UNC13C: variants seen among roughly 807,000 people sequenced by gnomAD.
UNC13C encodes protein unc-13 homolog C.
A neutral mutation model predicts 245.4 loss-of-function variants in UNC13C; 174 were observed. The observed-to-expected ratio is 0.71, with a 90% CI of 0.63 to 0.80. The LOEUF is 0.80. UNC13C is among the 30% of genes least tolerant of loss of function. UNC13C has a pLI of 0.00. For synonymous variants in UNC13C, 992 were observed against 895.1 expected (o/e 1.11, Z -1.93); for missense variants, 2,829 against 2,602.9 (o/e 1.09, Z -1.89).
chr15:54,052,838 A>C (rs1897330171), intron 2 of UNC13C, among the ~76,000 whole-genome samples: 1 of 152,212 alleles, frequency 6.6e-6, no homozygotes, highest in Non-Finnish European at 1.5e-5. Context: ...TTGATTTTAT[A>C]AGTATCCAGT....
intron 2 of UNC13C, among the ~76,000 whole-genome samples, chr15:54,087,861 A>G (rs138599287): frequency 2.2e-4 from 33 of 152,332 alleles, no homozygotes; most frequent in African/African-American, 7.2e-4. Flanking sequence ...GAAATTATCA[A>G]TAATTTCCAC....
intron 19 of UNC13C, among the ~76,000 whole-genome samples, chr15:54,447,629 C>T (rs1191526694): frequency 1.3e-5 from 2 of 152,118 alleles, no homozygotes; most frequent in Admixed American, 1.3e-4. Flanking sequence ...TCCCCTTTAT[C>T]ATTTTTTATT....
rs750345422 is a variant in UNC13C at position 54,626,835 on chromosome 15, G to A, written c.6367G>A (p.Gly2123Arg). 57 of 1,610,742 alleles carry A rather than the reference G, an allele frequency of 3.5e-5. No individual in the cohort carries two copies. The Admixed American group carries it at 4.0e-4, about 11-fold the overall frequency. The part of the protein sequence containing the change: ...KYNETFQFIL[G>R]KENRPGAYEL... ...TATTTTTAATCCACACAGCATTCTC[G>A]GAAAGGAAAATCGACCAGGGGCTTA... The change falls in exon 33 of 33, where the codon GGA becomes AGA. Residue 2123 changes from glycine (G) to arginine (R), a missense_variant. Coordinates refer to ENST00000260323, the MANE Select transcript of UNC13C (RefSeq NM_001080534.3).
At chr15:53,909,406 G>C in the UNC13C span, among the ~76,000 whole-genome samples, 1 of 146,764 alleles carries the variant, frequency 6.8e-6, no homozygotes, top group Non-Finnish European at 1.5e-5. Context: ...CCTGCTGATA[G>C]AATCCTACTT....
At position 54,605,171 on chromosome 15, in the gene UNC13C, G is replaced by C. The variant is rs529839781; in HGVS notation, c.6107-17156G>C. ...GGAAGCTCACAAACTGGTAAACAGT[G>C]GCCCCAGGGGAGGGTCAAACAATCA... On this transcript the variant is annotated intron_variant, in intron 30 of 32. Transcript: ENST00000260323. Among the ~76,000 whole-genome samples the C allele has an allele frequency of 2.5e-4, 38 of 152,266 alleles. No homozygotes were observed. In the East Asian group the frequency reaches 7.0e-3, roughly 28 times the overall value.
At chr15:54,268,033 G>A (rs2036591101) in intron 10 of UNC13C, among the ~76,000 whole-genome samples, 1 of 151,754 alleles carries the variant, frequency 6.6e-6, no homozygotes, top group African/African-American at 2.4e-5. Flanking sequence ...TTCCATGGTG[G>A]TTTGCTGCAC....
At position 54,627,834 on chromosome 15, in the gene UNC13C, G is replaced by GTGT. The variant is rs894961856; in HGVS notation, c.*723_*725dup. 5 of 152,552 alleles carry GTGT rather than the reference G, an allele frequency of 3.3e-5. No homozygotes were observed. The highest frequency in any genetic ancestry group is 5.9e-5 in the Non-Finnish European group (4 of 68,000). 9.4% of individuals were successfully genotyped at this position (152,552 alleles called of 1,614,324 possible). ...GGTAAGTTAATGCATTTGTCATATA[G>GTGT]TGTTATGTCTTGGCTTTACCATATT... is the stretch of plus-strand genomic sequence containing the variant. On this transcript the variant is annotated 3_prime_UTR_variant, in exon 33 of 33. Transcript: ENST00000260323.
chr15:54,455,808 A>G (rs532539818), intron 19 of UNC13C, among the ~76,000 whole-genome samples: 22 of 152,076 alleles, frequency 1.4e-4, no homozygotes, highest in Non-Finnish European at 2.8e-4. Flanking sequence ...ATTTTCTCCC[A>G]TTCTGTGGGA....
chr15:54,393,013 C>A, intron 17 of UNC13C, 35 bp from the exon 18 acceptor site: 2 of 1,524,466 alleles, frequency 1.3e-6, no homozygotes, highest in Non-Finnish European at 1.8e-6. Context: ...CCCATTTAAC[C>A]TTTTCTTTTG....
intron 17 of UNC13C, among the ~76,000 whole-genome samples, chr15:54,355,326 A>G (rs187262534): frequency 6.6e-6 from 1 of 152,206 alleles, no homozygotes; most frequent in East Asian, 1.9e-4. Context: ...GTTTCATTTC[A>G]TTATCTCTGA....
intron 10 of UNC13C, among the ~76,000 whole-genome samples, chr15:54,272,064 T>G (rs925603577): frequency 1.3e-5 from 2 of 152,332 alleles, no homozygotes; most frequent in African/African-American, 4.8e-5. Flanking sequence ...GTCTAACATG[T>G]TTCTGGACCA....
chr15:54,337,872 A>G (rs1182603208), intron 16 of UNC13C, among the ~76,000 whole-genome samples: 2 of 152,152 alleles, frequency 1.3e-5, no homozygotes, highest in South Asian at 4.1e-4. Context: ...CTACAGCTTC[A>G]TTTACTCTTG....
chr15:54,589,031 C>A (rs974836424), intron 30 of UNC13C, among the ~76,000 whole-genome samples: 1 of 151,966 alleles, frequency 6.6e-6, no homozygotes, highest in Admixed American at 6.6e-5. Context: ...AATGGTAATT[C>A]TACTTTTAGT....
At chr15:54,408,601 C>G (rs2040355614) in intron 18 of UNC13C, among the ~76,000 whole-genome samples, 1 of 152,094 alleles carries the variant, frequency 6.6e-6, no homozygotes, top group Non-Finnish European at 1.5e-5. Flanking sequence ...TATTCAGCTT[C>G]ACAGGCTGTA....
chr15:54,007,188 T>C (rs1895178072), intron 1 of UNC13C, among the ~76,000 whole-genome samples: 1 of 152,238 alleles, frequency 6.6e-6, no homozygotes, highest in Admixed American at 6.5e-5. Flanking sequence ...TTCTATGTTC[T>C]TGTAGGAAAA....
At chr15:54,081,017 TG>T (rs1056913366) in intron 2 of UNC13C, among the ~76,000 whole-genome samples, 16 of 152,088 alleles carry the variant, frequency 1.1e-4, no homozygotes, top group African/African-American at 3.9e-4. Context: ...TGTCTATTTT[TG>T]TTTGTTTCAA....
the UNC13C span, among the ~76,000 whole-genome samples, chr15:53,944,540 T>C: frequency 2.6e-5 from 4 of 152,204 alleles, no homozygotes; most frequent in African/African-American, 9.6e-5. Flanking sequence ...ATTTATTTGC[T>C]AAGGATAATG....
intron 17 of UNC13C, among the ~76,000 whole-genome samples, chr15:54,343,779 A>G (rs1030923087): frequency 1.3e-5 from 2 of 152,224 alleles, no homozygotes; most frequent in Non-Finnish European, 2.9e-5. Flanking sequence ...AGTAGAAAAG[A>G]GAAATTGGGC....
chr15:53,914,071 C>G, the UNC13C span: 1 of 152,032 alleles, frequency 6.6e-6, no homozygotes, highest in African/African-American at 2.4e-5. Flanking sequence ...GCTTATGTGT[C>G]AGGCCTATGT....
Sources: allele counts gnomAD v4.1 joint callset (sites outside exome capture counted in the v4.1 genomes callset), GRCh38; gene constraint gnomAD v4.1.1; transcripts MANE v1.5; gene names NCBI Gene and HGNC (gene_info 2026-07-23, HGNC 2026-07-21).